The following FRMD3 variants were observed in gnomAD, a reference collection of about 807,000 sequenced individuals.
The protein encoded by FRMD3 is FERM domain containing 3, also known as FERM domain-containing protein 3.
A neutral mutation model predicts 70.2 loss-of-function variants in FRMD3; 33 were observed. The observed-to-expected ratio is 0.47, with a 90% CI of 0.36 to 0.63. FRMD3 has a LOEUF of 0.63. Among genes scored for constraint, FRMD3 ranks in the 20% least tolerant of loss-of-function variants. FRMD3 has a pLI of 0.00. For synonymous variants in FRMD3, 279 were observed against 255.9 expected (o/e 1.09, Z -0.86); for missense variants, 632 against 711.4 (o/e 0.89, Z 1.27).
rs35538787 is a variant in FRMD3, at chr9:83,344,824, AGTGTGT to A, written c.375-1543_375-1538del. On this transcript the variant is annotated intron_variant, in intron 4 of 13. Coordinates refer to ENST00000304195, the MANE Select transcript of FRMD3 (RefSeq NM_174938.6). ...GTGTGTGTGCATGCGTGCATGTGTG[AGTGTGT>A]GTGTGTGTGTGTGTGTGTGTGTGTG... Among the ~76,000 whole-genome samples, 720 of 144,074 alleles carry A rather than the reference AGTGTGT, an allele frequency of 5.0e-3. 2 individuals carry two copies. The highest frequency in any genetic ancestry group is 0.011 in the African/African-American group (443 of 39,142). The allele number at this position is 144,074 out of a possible 152,430, so 94.5% of individuals were successfully genotyped here.
chr9:83,525,467 C>G (rs1184684374), intron 1 of FRMD3, among the ~76,000 whole-genome samples: 2 of 152,162 alleles, frequency 1.3e-5, no homozygotes, highest in Non-Finnish European at 2.9e-5. Context: ...CAAGAGGTAT[C>G]TGAGATATAA....
chr9:83,479,358 GGAGGAA>G (rs142192741), intron 1 of FRMD3, among the ~76,000 whole-genome samples: 56,245 of 138,034 alleles, frequency 0.41, 11,768 homozygotes, highest in Middle Eastern at 0.44. Context: ...AGGAGGAGGA[GGAGGAA>G]GAAGAAGAGG....
At chr9:83,471,853 C>A (rs1216647542) in intron 1 of FRMD3, among the ~76,000 whole-genome samples, 3 of 152,344 alleles carry the variant, frequency 2.0e-5, no homozygotes, top group South Asian at 2.1e-4. Flanking sequence ...GCGTCCCACA[C>A]TGGACTTGGA....
intron 10 of FRMD3, among the ~76,000 whole-genome samples, chr9:83,306,158 C>A (rs747050215): frequency 6.6e-6 from 1 of 152,184 alleles, no homozygotes; most frequent in African/African-American, 2.4e-5. Flanking sequence ...CCAAGTTATT[C>A]TTTGATACGG....
At chr9:83,278,094 C>T (rs920682554) in intron 13 of FRMD3, among the ~76,000 whole-genome samples, 27 of 152,164 alleles carry the variant, frequency 1.8e-4, no homozygotes, top group African/African-American at 6.5e-4. Context: ...GAGGGAAGAC[C>T]TTCCAAGGAG....
intron 1 of FRMD3, among the ~76,000 whole-genome samples, chr9:83,486,333 ATAGCCCCTTGGAAGATACATTTGG>A (rs1241404258): frequency 6.6e-6 from 1 of 152,146 alleles, no homozygotes; most frequent in Non-Finnish European, 1.5e-5. Context: ...CAGGGCCTCC[ATAGCCCCTTGGAAGATACATTTGG>A]TAGCCAGCAG....
chr9:83,472,209 A>G (rs1480636770), intron 1 of FRMD3, among the ~76,000 whole-genome samples: 1 of 152,220 alleles, frequency 6.6e-6, no homozygotes, highest in African/African-American at 2.4e-5. Flanking sequence ...AGCTGGAGTC[A>G]ACAACGTCAA....
At chr9:83,343,079 C>A (rs566731952) in intron 5 of FRMD3, 111 bp downstream of exon 5, 9 of 781,178 alleles carry the variant, frequency 1.2e-5, no homozygotes, top group South Asian at 9.0e-5. Context: ...CCTACATGGT[C>A]TCCAGCCACA....
At chr9:83,267,261 C>A in intron 13 of FRMD3, 1 of 1,497,010 alleles carries the variant, frequency 6.7e-7, no homozygotes, top group Admixed American at 2.1e-5. Flanking sequence ...ATGTCAGGTT[C>A]CTAATGCGGC....
intron 1 of FRMD3, among the ~76,000 whole-genome samples, chr9:83,410,830 A>G (rs1321857056): frequency 6.6e-6 from 1 of 152,102 alleles, no homozygotes; most frequent in Non-Finnish European, 1.5e-5. Context: ...TGACCTCCTA[A>G]ATTCTCTTTC....
rs1370287187 is a variant in FRMD3, at chr9:83,247,508, C to G, written c.*410G>C. 1 of 987,796 alleles carries G rather than the reference C, an allele frequency of 1.0e-6. No homozygotes were observed. Among genetic ancestry groups the G allele is most frequent in the African/African-American group, 1.8e-5 (1 of 57,120 alleles). The allele number at this position is 987,796 out of a possible 1,614,324, so 61.2% of individuals were successfully genotyped here. On this transcript the variant is annotated 3_prime_UTR_variant, in exon 14 of 14. Coordinates refer to ENST00000304195, the MANE Select transcript of FRMD3 (RefSeq NM_174938.6). ...GGCATTGGTTAGAGGACACTGTTTT[C>G]ACTAAGGATTATATTCAACAACTTT... is the stretch of plus-strand genomic sequence containing the variant.
intron 10 of FRMD3, among the ~76,000 whole-genome samples, chr9:83,300,381 G>A (rs191027447): frequency 6.6e-5 from 10 of 152,340 alleles, no homozygotes; most frequent in Admixed American, 6.5e-4. Context: ...CAGGCGCAAA[G>A]CCATCAGCCT....
At chr9:83,370,788 C>T (rs1453921271) in intron 3 of FRMD3, among the ~76,000 whole-genome samples, 15 of 152,144 alleles carry the variant, frequency 9.9e-5, no homozygotes, top group African/African-American at 3.4e-4. Flanking sequence ...AGTGCACGCC[C>T]GTAGTTCTAG....
At chr9:83,474,744 C>T (rs1828352902) in intron 1 of FRMD3, among the ~76,000 whole-genome samples, 1 of 151,848 alleles carries the variant, frequency 6.6e-6, no homozygotes, top group Non-Finnish European at 1.5e-5. Flanking sequence ...TAAGGACACA[C>T]AGAAGCCACC....
chr9:83,483,777 T>C (rs538807800), intron 1 of FRMD3, among the ~76,000 whole-genome samples: 2 of 152,106 alleles, frequency 1.3e-5, no homozygotes, highest in South Asian at 4.1e-4. Context: ...GGAGGATCAC[T>C]TGAGCCCAAG....
intron 1 of FRMD3, among the ~76,000 whole-genome samples, chr9:83,401,027 T>C (rs141615465): frequency 0.015 from 2,228 of 152,300 alleles, 32 homozygotes; most frequent in Middle Eastern, 0.034. Context: ...GATGCTAGCA[T>C]CACCTCCTCT....
intron 6 of FRMD3, among the ~76,000 whole-genome samples, chr9:83,318,993 G>A (rs188976923): frequency 6.6e-6 from 1 of 151,974 alleles, no homozygotes; most frequent in Admixed American, 6.6e-5. Context: ...TTTAAGGGGG[G>A]TTGTTTTTTT....
intron 1 of FRMD3, among the ~76,000 whole-genome samples, chr9:83,482,866 A>G (rs550594273): frequency 6.6e-6 from 1 of 152,020 alleles, no homozygotes; most frequent in Non-Finnish European, 1.5e-5. Context: ...ATGAACACTG[A>G]GCCTACACTC....
At chr9:83,354,944 G>A (rs1296591917) in intron 3 of FRMD3, among the ~76,000 whole-genome samples, 2 of 152,146 alleles carry the variant, frequency 1.3e-5, no homozygotes, top group Non-Finnish European at 2.9e-5. Context: ...ATTGAACAAG[G>A]AGGTTGGGGG....
Sources: allele counts gnomAD v4.1 joint callset (sites outside exome capture counted in the v4.1 genomes callset), GRCh38; gene constraint gnomAD v4.1.1; transcripts MANE v1.5; gene names NCBI Gene and HGNC (gene_info 2026-07-23, HGNC 2026-07-21).